Variants in GRAMD4 observed in about 807,000 individuals in gnomAD.
The protein encoded by GRAMD4 is GRAM domain containing 4, also known as GRAM domain-containing protein 4.
GRAMD4 carries 25 observed loss-of-function variants against 83.9 expected under a neutral mutation model. The ratio of observed to expected loss-of-function variants is 0.30; its 90% CI spans 0.22 to 0.42. The LOEUF is 0.42. Ranked by LOEUF, GRAMD4 falls within the 10% of genes least tolerant of loss-of-function variation. The pLI, the probability that GRAMD4 is intolerant of heterozygous loss-of-function variation, is 1.00. For missense variants in GRAMD4, 593 were observed against 788.7 expected (o/e 0.75, Z 2.97); for synonymous variants, 336 against 320.9 (o/e 1.05, Z -0.50).
rs760244055 is a variant in GRAMD4, at chr22:46,655,494, G to A, written c.284-2693G>A. 5.3e-5 allele frequency among the ~76,000 whole-genome samples: 8 copies of A among 152,302 alleles called. 1 individual carries two copies. The South Asian group carries it at 1.5e-3, about 28-fold the overall frequency. On this transcript the variant is annotated intron_variant, in intron 3 of 18. Coordinates refer to ENST00000406902, the MANE Select transcript of GRAMD4 (RefSeq NM_015124.5). ...CAGCTGAGAGACCAGCAGAGTGGAT[G>A]GATCTGGGATCTTGGAAGAAAGAAC...
intron 1 of GRAMD4, among the ~76,000 whole-genome samples, chr22:46,608,077 T>C (rs923134833): frequency 1.3e-5 from 2 of 152,214 alleles, no homozygotes; most frequent in Non-Finnish European, 2.9e-5. Context: ...CATTAAACAC[T>C]TAGTGCGTGG....
intron 2 of GRAMD4, among the ~76,000 whole-genome samples, chr22:46,634,754 A>G (rs1244886420): frequency 1.3e-5 from 2 of 152,206 alleles, no homozygotes; most frequent in African/African-American, 2.4e-5. Flanking sequence ...CAGCCTGGGC[A>G]ACATGGTGAA....
chr22:46,633,296 T>C (rs1228187718), intron 2 of GRAMD4, among the ~76,000 whole-genome samples: 1 of 152,212 alleles, frequency 6.6e-6, no homozygotes, highest in East Asian at 1.9e-4. Context: ...AGGTGGGTAC[T>C]GTTCTGAGTT....
intron 1 of GRAMD4, among the ~76,000 whole-genome samples, chr22:46,593,452 G>T (rs1003475539): frequency 6.6e-5 from 10 of 152,168 alleles, no homozygotes; most frequent in Admixed American, 5.9e-4. Flanking sequence ...GCACAGGGAG[G>T]GCAGGTGGGA....
At chr22:46,610,317 G>T (rs886627761) in intron 1 of GRAMD4, among the ~76,000 whole-genome samples, 6 of 152,234 alleles carry the variant, frequency 3.9e-5, no homozygotes, top group Non-Finnish European at 5.9e-5. Flanking sequence ...GCTTCTGTGA[G>T]CGTTCTTATT....
chr22:46,668,357 G>A (rs779551673), intron 11 of GRAMD4, among the ~76,000 whole-genome samples, 190 bp downstream of exon 11: 7 of 152,192 alleles, frequency 4.6e-5, no homozygotes, highest in African/African-American at 1.2e-4. Context: ...TTGGATGGTC[G>A]TTACAGCAAC....
At position 46,678,812 on chromosome 22, in the gene GRAMD4, C is replaced by T. The variant is rs545669611; in HGVS notation, c.*1561C>T. On this transcript the variant is annotated 3_prime_UTR_variant, in exon 19 of 19. Coordinates refer to ENST00000406902, the MANE Select transcript of GRAMD4 (RefSeq NM_015124.5). Reference sequence around the variant, plus strand: ...CTTCACGAGGGGCCGCAGAGTCACACGCTGGTGCCGGGGGTGCTTTGGGGG... The same window carrying T: ...CTTCACGAGGGGCCGCAGAGTCACATGCTGGTGCCGGGGGTGCTTTGGGGG... 3.2e-5 allele frequency: 32 copies of T among 986,290 alleles called. No individual in the cohort carries two copies. The highest frequency in any genetic ancestry group is 6.1e-5 in the Admixed American group (1 of 16,292). 61.1% of individuals were successfully genotyped at this position (986,290 alleles called of 1,614,324 possible). A position where few individuals can be genotyped will look rare whatever the true frequency, so the allele number is the denominator to read the frequency against.
intron 1 of GRAMD4, among the ~76,000 whole-genome samples, chr22:46,623,079 C>T (rs991429870): frequency 2.0e-5 from 3 of 152,144 alleles, no homozygotes; most frequent in Non-Finnish European, 2.9e-5. Flanking sequence ...ACGTCTGGCC[C>T]CATAGCGCCC....
chr22:46,644,718 T>TAC (rs2082045954), intron 3 of GRAMD4, among the ~76,000 whole-genome samples: 1 of 131,576 alleles, frequency 7.6e-6, no homozygotes, highest in Non-Finnish European at 1.6e-5. Context: ...TTTTTTTTTT[T>TAC]TTTTTTTTTT....
intron 3 of GRAMD4, among the ~76,000 whole-genome samples, chr22:46,657,002 A>C (rs781084739): frequency 1.3e-5 from 2 of 152,188 alleles, no homozygotes; most frequent in African/African-American, 4.8e-5. Context: ...GACAGCACTT[A>C]GGTGACCCTC....
intron 3 of GRAMD4, among the ~76,000 whole-genome samples, chr22:46,653,048 G>A (rs1244815363): frequency 6.6e-6 from 1 of 152,208 alleles, no homozygotes; most frequent in African/African-American, 2.4e-5. Flanking sequence ...CTCAGAGATA[G>A]GAAGGACTCA....
In GRAMD4 at chr22:46,620,527, G is replaced by A. The variant is rs897212908; in HGVS notation, c.-88G>A. On this transcript the variant is annotated 5_prime_UTR_variant, in exon 1 of 19. The change creates a new upstream start codon in the 5' untranslated region. Coordinates refer to ENST00000406902, the MANE Select transcript of GRAMD4 (RefSeq NM_015124.5). The surrounding 1 kb of genome is among the most constrained non-coding windows in gnomAD (Gnocchi z 4.7). ...TGGGCCAGGACCTGAAGGAGCCACAGTGAAAGAGTGTTTCTGGATGTATCT... is the reference window on the plus strand; with the variant it reads ...TGGGCCAGGACCTGAAGGAGCCACAATGAAAGAGTGTTTCTGGATGTATCT... The A allele has an allele frequency of 3.1e-6, 3 of 972,664 alleles. No homozygotes were observed. The South Asian group carries it at 1.5e-4, about 48-fold the overall frequency. The allele number at this position is 972,664 out of a possible 1,614,324, so 60.3% of individuals were successfully genotyped here.
rs559772988 is a variant in GRAMD4 at position 46,659,928 on chromosome 22, C to T, written c.405-1453C>T. On this transcript the variant is annotated intron_variant, in intron 4 of 18. Transcript: ENST00000406902. This position sits in a 1 kb window ranked among gnomAD's most constrained non-coding sequence, Gnocchi z 4.1. ...AGAGTTGCAACAGAGACCTGACCTG[C>T]CACGCTGGGAGATCCCAGGGACAGG... Among the ~76,000 whole-genome samples, 1 of 152,348 alleles carries T rather than the reference C, an allele frequency of 6.6e-6. No individual in the cohort carries two copies. Among genetic ancestry groups the T allele is most frequent in the South Asian group, 2.1e-4 (1 of 4,828 alleles).
At chr22:46,602,762 CTTTT>C (rs534249203) in intron 1 of GRAMD4, among the ~76,000 whole-genome samples, 4 of 121,436 alleles carry the variant, frequency 3.3e-5, no homozygotes, top group African/African-American at 3.1e-5. Flanking sequence ...CCATTTTTCT[CTTTT>C]TTTTTTTTTT....
chr22:46,670,515 C>T (rs1459539872), intron 13 of GRAMD4, among the ~76,000 whole-genome samples: 3 of 152,218 alleles, frequency 2.0e-5, no homozygotes, highest in African/African-American at 7.2e-5. Context: ...AGCTGCAGTG[C>T]ACTTGCGGCC....
chr22:46,671,034 A>G (rs1388547826), intron 13 of GRAMD4: 3 of 447,010 alleles, frequency 6.7e-6, no homozygotes, highest in Admixed American at 4.8e-5. Context: ...ATCGGTGCCC[A>G]TGTATTCTTT....
At chr22:46,627,442 A>G (rs956963640) in intron 2 of GRAMD4, among the ~76,000 whole-genome samples, 4 of 152,252 alleles carry the variant, frequency 2.6e-5, no homozygotes, top group African/African-American at 7.2e-5. Context: ...CTGGGGGGAC[A>G]GCAAATACCC....
intron 8 of GRAMD4, 45 bp downstream of exon 8, chr22:46,664,162 C>T: frequency 7.3e-7 from 1 of 1,369,024 alleles, no homozygotes; most frequent in Non-Finnish European, 1.0e-6. Flanking sequence ...TGGGATGTGC[C>T]TGCCAGCATT....
chr22:46,591,140 A>T (rs568332229), intron 1 of GRAMD4, among the ~76,000 whole-genome samples: 3 of 152,340 alleles, frequency 2.0e-5, no homozygotes, highest in East Asian at 1.9e-4. Context: ...AAGGTGGGAA[A>T]CTGCTGCCCT....
Sources: gnomAD v4.1 joint callset for allele counts (sites outside exome capture counted in the v4.1 genomes callset) on GRCh38, gnomAD v4.1.1 for gene constraint, Gnocchi (gnomAD v3.1) non-coding constraint, MANE v1.5 for transcripts, NCBI Gene and HGNC (gene_info 2026-07-23, HGNC 2026-07-21) for gene names.